The following WWOX variants were observed in gnomAD, a reference collection of about 807,000 sequenced individuals.
The protein encoded by WWOX is WW domain-containing oxidoreductase.
Under a neutral mutation model 46.2 loss-of-function variants are expected in WWOX, and 69 were observed. The observed-to-expected ratio is 1.49, with a 90% CI of 1.23 to 1.82. The LOEUF (loss-of-function observed/expected upper bound fraction) is 1.82. WWOX is among the 40% of genes most tolerant of loss of function. The pLI is 0.00. For synonymous variants in WWOX, 359 were observed against 202.6 expected (o/e 1.77, Z -6.56); for missense variants, 919 against 542.6 (o/e 1.69, Z -6.89).
Position 78,889,611 on chromosome 16 carries a change from A to G in WWOX, c.1057-321997A>G, listed in dbSNP as rs73579398. Among the ~76,000 whole-genome samples the G allele has an allele frequency of 4.1e-3, 621 of 152,282 alleles. 5 individuals carry two copies. The highest frequency in any genetic ancestry group is 0.014 in the African/African-American group (600 of 41,580). On this transcript the variant is annotated intron_variant, in intron 8 of 8. Transcript: ENST00000566780. Reference sequence around the variant, plus strand: ...AAGCTTGAAAGTACTAAGCGTGCCCAGGGGAAATGGAATAAGCTAGAAATT... The same window carrying G: ...AAGCTTGAAAGTACTAAGCGTGCCCGGGGGAAATGGAATAAGCTAGAAATT...
intron 5 of WWOX, among the ~76,000 whole-genome samples, chr16:78,223,925 C>G (rs1480280502): frequency 6.6e-6 from 1 of 152,090 alleles, no homozygotes; most frequent in Non-Finnish European, 1.5e-5. Flanking sequence ...AAACAGAGGC[C>G]CAGATGGAGT....
chr16:78,821,852 A>T (rs141105547), intron 8 of WWOX, among the ~76,000 whole-genome samples: 1 of 152,120 alleles, frequency 6.6e-6, no homozygotes, highest in Non-Finnish European at 1.5e-5. Flanking sequence ...AACAATTCTC[A>T]TCTCCAATTC....
intron 8 of WWOX, among the ~76,000 whole-genome samples, chr16:78,448,321 A>G (rs1212464014): frequency 1.3e-5 from 2 of 152,222 alleles, no homozygotes; most frequent in Non-Finnish European, 2.9e-5. Flanking sequence ...TTAGTTATCT[A>G]TCACTGCATA....
chr16:78,616,527 C>T (rs185874916), intron 8 of WWOX, among the ~76,000 whole-genome samples: 7 of 149,756 alleles, frequency 4.7e-5, no homozygotes, highest in East Asian at 4.0e-4. Flanking sequence ...TTTGGGAGGC[C>T]GAGGCAGGTG....
chr16:78,521,567 G>C (rs953275838), intron 8 of WWOX, among the ~76,000 whole-genome samples: 1 of 152,070 alleles, frequency 6.6e-6, no homozygotes, highest in African/African-American at 2.4e-5. Flanking sequence ...TATATTACAG[G>C]GTTGTCATGC....
intron 5 of WWOX, among the ~76,000 whole-genome samples, chr16:78,201,689 A>C (rs2036234161): frequency 6.6e-6 from 1 of 150,408 alleles, no homozygotes; most frequent in Non-Finnish European, 1.5e-5. Context: ...TTATTTATTT[A>C]TTTATTTATT....
chr16:79,148,874 T>C (rs1367227492), intron 8 of WWOX, among the ~76,000 whole-genome samples: 1 of 151,962 alleles, frequency 6.6e-6, no homozygotes, highest in South Asian at 2.1e-4. Context: ...TCCTATGAGC[T>C]TGCTGATTGC....
chr16:78,252,238 T>C (rs1291677892), intron 5 of WWOX, among the ~76,000 whole-genome samples: 1 of 152,176 alleles, frequency 6.6e-6, no homozygotes, highest in African/African-American at 2.4e-5. Flanking sequence ...GGACAGAAGC[T>C]AGCTCTGAGC....
intron 8 of WWOX, among the ~76,000 whole-genome samples, chr16:79,154,657 T>G (rs1474213321): frequency 1.3e-5 from 2 of 152,244 alleles, no homozygotes; most frequent in Admixed American, 1.3e-4. Context: ...CTTATGCTGA[T>G]GGATGTACAC....
At chr16:78,289,321 G>A (rs990529354) in intron 5 of WWOX, among the ~76,000 whole-genome samples, 1 of 152,162 alleles carries the variant, frequency 6.6e-6, no homozygotes, top group East Asian at 1.9e-4. Context: ...GATTTTTGAT[G>A]ACCCAAAGAA....
intron 8 of WWOX, among the ~76,000 whole-genome samples, chr16:79,055,750 C>T (rs1487119875): frequency 6.6e-6 from 1 of 152,200 alleles, no homozygotes; most frequent in East Asian, 1.9e-4. Flanking sequence ...CCTATGGAAT[C>T]AGCCTATTTT....
chr16:79,105,227 G>A (rs887847135), intron 8 of WWOX, among the ~76,000 whole-genome samples: 4 of 152,142 alleles, frequency 2.6e-5, no homozygotes, highest in Admixed American at 6.5e-5. Flanking sequence ...ACAGCAGTCT[G>A]CTATTGTTTT....
At chr16:78,275,532 G>C (rs2079561298) in intron 5 of WWOX, among the ~76,000 whole-genome samples, 1 of 152,242 alleles carries the variant, frequency 6.6e-6, no homozygotes, top group Non-Finnish European at 1.5e-5. Flanking sequence ...AAGGATGAGT[G>C]ATTTAGCCAG....
At chr16:78,368,746 A>C (rs1243026136) in intron 5 of WWOX, among the ~76,000 whole-genome samples, 1 of 152,066 alleles carries the variant, frequency 6.6e-6, no homozygotes, top group African/African-American at 2.4e-5. Flanking sequence ...GCAGTCTGCA[A>C]CTTAGCTGGC....
intron 6 of WWOX, among the ~76,000 whole-genome samples, chr16:78,393,588 G>C (rs1567546052): frequency 6.6e-6 from 1 of 152,162 alleles, no homozygotes; most frequent in Admixed American, 6.5e-5. Flanking sequence ...AAAAGTTGGT[G>C]ACGACACCTG....
intron 8 of WWOX, among the ~76,000 whole-genome samples, chr16:78,800,055 A>T (rs2050846109): frequency 6.6e-6 from 1 of 152,176 alleles, no homozygotes; most frequent in African/African-American, 2.4e-5. Context: ...GGGTTTCATC[A>T]AGCACATTGT....
chr16:78,338,797 C>A lies in WWOX; in HGVS notation c.517-48063C>A, dbSNP rs1202440938. On this transcript the variant is annotated intron_variant, in intron 5 of 8. Transcript: ENST00000566780. ...TCTTCCATTTTTATGTTTTGCTATG[C>A]CATTCATTCATTCTATTCTTTTCAT... Among the ~76,000 whole-genome samples the A allele has an allele frequency of 3.3e-5, 4 of 120,740 alleles. 2 individuals are homozygous for A. Among genetic ancestry groups the A allele is most frequent in the African/African-American group, 5.6e-5 (2 of 35,760 alleles). The allele number at this position is 120,740 out of a possible 152,430, so 79.2% of individuals were successfully genotyped here.
intron 8 of WWOX, among the ~76,000 whole-genome samples, chr16:78,766,404 G>A (rs1288254394): frequency 6.6e-6 from 1 of 152,162 alleles, no homozygotes; most frequent in Admixed American, 6.5e-5. Flanking sequence ...AAACCAGCCT[G>A]GGCAACACAG....
intron 8 of WWOX, among the ~76,000 whole-genome samples, chr16:79,038,725 T>C (rs890880707): frequency 1.3e-4 from 20 of 152,216 alleles, no homozygotes; most frequent in African/African-American, 4.8e-4. Flanking sequence ...AATTTTTGTG[T>C]TTTTAGTAGA....
Sources: gnomAD v4.1 joint callset for allele counts (sites outside exome capture counted in the v4.1 genomes callset) on GRCh38, gnomAD v4.1.1 for gene constraint, MANE v1.5 for transcripts, NCBI Gene and HGNC (gene_info 2026-07-23, HGNC 2026-07-21) for gene names.